The following SPTBN2 variants were observed in gnomAD, a reference collection of about 807,000 sequenced individuals.
The protein encoded by SPTBN2 is spectrin beta, non-erythrocytic 2.
A neutral mutation model predicts 284.2 loss-of-function variants in SPTBN2; 107 were observed. That is an observed-to-expected ratio of 0.38 (90% confidence interval 0.32 to 0.44). The LOEUF is 0.44. SPTBN2 is among the 20% of genes least tolerant of loss of function. The pLI, the probability that SPTBN2 is intolerant of heterozygous loss-of-function variation, is 1.00. For synonymous variants in SPTBN2, 1,289 were observed against 1,354.8 expected (o/e 0.95, Z 1.07); for missense variants, 2,569 against 3,287.1 (o/e 0.78, Z 5.34).
At position 66,701,254 on chromosome 11, in the gene SPTBN2, C is replaced by T. The variant is rs895633414; in HGVS notation, c.2845G>A (p.Gly949Ser). Residue 949 changes from glycine to serine, a missense_variant, in exon 17 of 38, where the codon GGC becomes AGC. Gly to Ser is a moderately conservative substitution (Grantham distance 56). This residue lies in a region of SPTBN2 where 1,012 missense variants were observed against 1,248.9 expected (regional missense o/e 0.81). Coordinates refer to ENST00000533211, the MANE Select transcript of SPTBN2 (RefSeq NM_006946.4). ...GCTGAGGTGAGAGCTGCCTTCTTGC[C>T]GTCTGCCAGACGCCGAAACTGCTGC... ...RWQQFRRLAD[G>S]KKAALTSALS... is the part of the protein sequence containing the mutation. 53 of 1,612,664 alleles carry T rather than the reference C, an allele frequency of 3.3e-5. No homozygotes were observed. Among genetic ancestry groups the T allele is most frequent in the Non-Finnish European group, 4.1e-5 (48 of 1,180,034 alleles).
In SPTBN2 at chr11:66,705,327, A is replaced by G. The variant is rs1011637037; in HGVS notation, c.1949T>C (p.Val650Ala). ...CCGCACCCAGGCCTCAGCTTCACCC[A>G]CCTCCCAGAGGAAACGCCAGAGCCG... ...SRRLWRFLWE[V>A]GEAEAWVREQ... The change falls in exon 15 of 38, where the codon GTG (valine) becomes GCG (alanine). Residue 650 changes from valine (V) to alanine (A), a missense_variant. Val to Ala is a moderately conservative substitution (Grantham distance 64). Coordinates refer to ENST00000533211, the MANE Select transcript of SPTBN2 (RefSeq NM_006946.4). 1 of 1,608,396 alleles carries G rather than the reference A, an allele frequency of 6.2e-7. No homozygotes were observed. Among genetic ancestry groups the G allele is most frequent in the East Asian group, 2.2e-5 (1 of 44,818 alleles).
chr11:66,689,266 G>T, intron 29 of SPTBN2, 86 bp from the exon 30 acceptor site: 5 of 1,386,344 alleles, frequency 3.6e-6, no homozygotes, highest in Non-Finnish European at 4.0e-6. Context: ...GGGGACAGGT[G>T]ATTTCTTTCT....
chr11:66,733,984 CAAAAAAA>C (rs60666832), upstream of SPTBN2, among the ~76,000 whole-genome samples: 3 of 75,764 alleles, frequency 4.0e-5, no homozygotes, highest in Admixed American at 3.1e-4. Flanking sequence ...GACTCCGTCT[CAAAAAAA>C]AAAAAAAAAA....
chr11:66,736,957 T>A (rs1942854718), intron 1 of SPTBN2, among the ~76,000 whole-genome samples: 1 of 152,246 alleles, frequency 6.6e-6, no homozygotes, highest in Non-Finnish European at 1.5e-5. Context: ...TTTTTCTAAT[T>A]GTGTGAACTT....
rs922680676 is a variant in SPTBN2 at position 66,683,344 on chromosome 11, G to C, written c.*2527C>G. 2.0e-5 allele frequency among the ~76,000 whole-genome samples: 3 copies of C among 152,202 alleles called. No individual in the cohort carries two copies. Among genetic ancestry groups the C allele is most frequent in the African/African-American group, 4.8e-5 (2 of 41,456 alleles). Reference sequence around the variant, plus strand: ...GCCTCCCAAAGTGCTGGGATTACAGGCGTGAGCCACCGCGCCCGGCCCAAG... The same window carrying C: ...GCCTCCCAAAGTGCTGGGATTACAGCCGTGAGCCACCGCGCCCGGCCCAAG... On this transcript the variant is annotated 3_prime_UTR_variant, in exon 38 of 38. Coordinates refer to ENST00000533211, the MANE Select transcript of SPTBN2 (RefSeq NM_006946.4).
intron 13 of SPTBN2, among the ~76,000 whole-genome samples, chr11:66,706,829 A>G (rs1344503208): frequency 6.6e-6 from 1 of 151,870 alleles, no homozygotes. Context: ...ACGGGGTTTC[A>G]CCATGTTGGC....
chr11:66,722,581 A>G (rs1942466388), intron 1 of SPTBN2, among the ~76,000 whole-genome samples: 1 of 148,266 alleles, frequency 6.7e-6, no homozygotes, highest in African/African-American at 2.5e-5. Context: ...GTCTCAAAAA[A>G]AAAAAAAAAA....
intron 1 of SPTBN2, among the ~76,000 whole-genome samples, chr11:66,743,520 C>T (rs1942918044): frequency 6.6e-6 from 1 of 152,200 alleles, no homozygotes; most frequent in African/African-American, 2.4e-5. Context: ...GCAGGAATCT[C>T]TCATCAGGGT....
intron 10 of SPTBN2, 98 bp from the exon 11 acceptor site, chr11:66,709,117 T>G: frequency 1.0e-6 from 1 of 993,594 alleles, no homozygotes; most frequent in Non-Finnish European, 1.6e-6. Context: ...GCTTTTCTTC[T>G]TACAAAAGCA....
chr11:66,690,136 C>T lies in SPTBN2; in HGVS notation c.5713G>A (p.Asp1905Asn). The T allele has an allele frequency of 1.2e-6, 2 of 1,614,244 alleles. No homozygotes were observed. Among genetic ancestry groups the T allele is most frequent in the Non-Finnish European group, 1.7e-6 (2 of 1,180,054 alleles). ...AAGAAGCGGAACTTGTCTGTGGTGTCCAGCAGCAGCTGCCGGCGGGCGGCA... is the reference window on the plus strand; with the variant it reads ...AAGAAGCGGAACTTGTCTGTGGTGTTCAGCAGCAGCTGCCGGCGGGCGGCA... The part of the protein sequence containing the change: ...SSAARRQLLL[D>N]TTDKFRFFKA... Residue 1905 changes from aspartate to asparagine, a missense_variant, in exon 28 of 38, where the codon GAC (aspartate) becomes AAC (asparagine). Physicochemically the swap from Asp to Asn is conservative, Grantham distance 23. Transcript: ENST00000533211.
rs764396528 is a variant in SPTBN2, at chr11:66,721,265, G to C, written c.-22-3C>G. On this transcript the variant is annotated splice_region_variant and splice_polypyrimidine_tract_variant and intron_variant, in intron 2 of 37. Transcript: ENST00000533211. Reference sequence around the variant, plus strand: ...TGGTGGTAGGCGGCTTCCTGCTCCTGCAAGGAGAATGTGGCCAGTGAGGGG... The same window carrying C: ...TGGTGGTAGGCGGCTTCCTGCTCCTCCAAGGAGAATGTGGCCAGTGAGGGG... 6.2e-7 allele frequency: 1 copy of C among 1,613,972 alleles called. No individual in the cohort carries two copies. The highest frequency in any genetic ancestry group is 1.3e-5 in the African/African-American group (1 of 74,908).
intron 1 of SPTBN2, among the ~76,000 whole-genome samples, chr11:66,740,315 C>T (rs927059358): frequency 2.6e-5 from 4 of 152,018 alleles, no homozygotes; most frequent in Admixed American, 1.3e-4. Flanking sequence ...TGGTACTGTC[C>T]CAGGAAAAGA....
intron 10 of SPTBN2, among the ~76,000 whole-genome samples, chr11:66,709,749 T>C (rs2135483135): frequency 6.6e-6 from 1 of 152,372 alleles, no homozygotes; most frequent in South Asian, 2.1e-4. Flanking sequence ...AGCTGATATA[T>C]ATTAACTCCA....
intron 6 of SPTBN2, 51 bp downstream of exon 6, chr11:66,714,265 C>T: frequency 1.2e-6 from 2 of 1,606,782 alleles, no homozygotes; most frequent in Non-Finnish European, 1.7e-6. Context: ...GAGCCCAGCA[C>T]AGCCTGGGGG....
In SPTBN2 at chr11:66,691,793, C is replaced by T; in HGVS notation, c.5191-135G>A. On this transcript the variant is annotated intron_variant, in intron 26 of 37. Coordinates refer to ENST00000533211, the MANE Select transcript of SPTBN2 (RefSeq NM_006946.4). This position sits in a 1 kb window ranked among gnomAD's most constrained non-coding sequence, Gnocchi z 8.0. ...CATGGGGGCCGGGACAGGTTTCTTCCCTGTGGTTAAGGAGTAGGTGCAGCT... is the reference window on the plus strand; with the variant it reads ...CATGGGGGCCGGGACAGGTTTCTTCTCTGTGGTTAAGGAGTAGGTGCAGCT... 7.4e-7 allele frequency: 1 copy of T among 1,345,476 alleles called. No individual in the cohort carries two copies. Among genetic ancestry groups the T allele is most frequent in the Non-Finnish European group, 1.0e-6 (1 of 968,560 alleles). The allele number at this position is 1,345,476 out of a possible 1,614,324, so 83.3% of individuals were successfully genotyped here.
intron 20 of SPTBN2, among the ~76,000 whole-genome samples, chr11:66,697,370 A>C (rs1940978610): frequency 6.6e-6 from 1 of 152,200 alleles, no homozygotes; most frequent in Non-Finnish European, 1.5e-5. Context: ...AGAGCATCAA[A>C]GGCTAGCACT....
At chr11:66,699,326 T>G in intron 18 of SPTBN2, 80 bp downstream of exon 18, 1 of 1,558,390 alleles carries the variant, frequency 6.4e-7, no homozygotes, top group South Asian at 1.1e-5. Flanking sequence ...GGGTTTCCTG[T>G]GCCACGTTTA....
In SPTBN2 at chr11:66,689,086, G is replaced by A; in HGVS notation, c.6034+10C>T. 1 of 1,602,792 alleles carries A rather than the reference G, an allele frequency of 6.2e-7. No homozygotes were observed. Among genetic ancestry groups the A allele is most frequent in the Non-Finnish European group, 8.5e-7 (1 of 1,173,948 alleles). On this transcript the variant is annotated intron_variant, in intron 30 of 37. Transcript: ENST00000533211. The stretch of plus-strand genomic sequence containing the variant: ...TCCCCACAGGGCCTGGGGCCCCCTT[G>A]GCAGCTCACCCAGCTGAAGCCAGTC...
Position 66,701,573 on chromosome 11 carries a change from C to T in SPTBN2, c.2816+11G>A, listed in dbSNP as rs2276140. 4.3e-5 allele frequency: 69 copies of T among 1,614,204 alleles called. No individual in the cohort carries two copies. In the East Asian group the frequency reaches 1.5e-3, roughly 36 times the overall value. On this transcript the variant is annotated intron_variant, in intron 16 of 37. Coordinates refer to ENST00000533211, the MANE Select transcript of SPTBN2 (RefSeq NM_006946.4). ...TCTGTCAGTTTCCTGGTCCTGCCCTCCCAAACCCACCTGTGGTTGAGCTGC... is the reference window on the plus strand; with the variant it reads ...TCTGTCAGTTTCCTGGTCCTGCCCTTCCAAACCCACCTGTGGTTGAGCTGC...
Sources: gnomAD v4.1 joint callset for allele counts (sites outside exome capture counted in the v4.1 genomes callset) on GRCh38, gnomAD v4.1.1 for gene constraint, gnomAD v4.1.1 regional missense constraint, Gnocchi (gnomAD v3.1) non-coding constraint, MANE v1.5 for transcripts, NCBI Gene and HGNC (gene_info 2026-07-23, HGNC 2026-07-21) for gene names.